Variants in KCNH8 observed in about 807,000 individuals in gnomAD.
The protein encoded by KCNH8 is voltage-gated delayed rectifier potassium channel KCNH8.
KCNH8 carries 70 observed loss-of-function variants against 103.6 expected under a neutral mutation model. That is an observed-to-expected ratio of 0.68 (90% CI 0.56 to 0.82). KCNH8 has a LOEUF of 0.82. Among genes scored for constraint, KCNH8 ranks in the 40% least tolerant of loss-of-function variants. The probability of loss-of-function intolerance (pLI) is 0.00; values close to 1 mark genes in which losing one functional copy is unlikely to be tolerated. For missense variants in KCNH8, 1,217 were observed against 1,329.9 expected (o/e 0.92, Z 1.32); for synonymous variants, 498 against 489.4 (o/e 1.02, Z -0.23).
intron 11 of KCNH8, among the ~76,000 whole-genome samples, chr3:19,468,581 AG>A (rs1188751942): frequency 6.6e-6 from 1 of 152,228 alleles, no homozygotes; most frequent in African/African-American, 2.4e-5. Context: ...GCTGAATAAT[AG>A]GGGAAAAATA....
At chr3:19,222,524 A>AT (rs2063886890) in intron 1 of KCNH8, among the ~76,000 whole-genome samples, 2 of 152,194 alleles carry the variant, frequency 1.3e-5, no homozygotes, top group African/African-American at 2.4e-5. Flanking sequence ...ACAGAGGATA[A>AT]TTTTGTTTGG....
At chr3:19,364,458 A>G (rs1161066162) in intron 5 of KCNH8, among the ~76,000 whole-genome samples, 1 of 152,172 alleles carries the variant, frequency 6.6e-6, no homozygotes, top group African/African-American at 2.4e-5. Flanking sequence ...TGGAACATTT[A>G]TTAAATGGAA....
intron 11 of KCNH8, among the ~76,000 whole-genome samples, chr3:19,473,100 A>G (rs1351114703): frequency 1.3e-5 from 2 of 152,218 alleles, no homozygotes; most frequent in East Asian, 3.8e-4. Context: ...AATTAGTGAA[A>G]GAATCAAACA....
chr3:19,445,389 C>T (rs910752498), intron 8 of KCNH8, among the ~76,000 whole-genome samples: 7 of 151,276 alleles, frequency 4.6e-5, no homozygotes, highest in Non-Finnish European at 7.4e-5. Context: ...TTATTTATCT[C>T]GGGTGGTGGG....
intron 5 of KCNH8, among the ~76,000 whole-genome samples, chr3:19,372,201 G>A (rs1226386447): frequency 6.6e-6 from 1 of 152,062 alleles, no homozygotes; most frequent in Non-Finnish European, 1.5e-5. Context: ...ATTACCTTGG[G>A]CAGTATGGCC....
chr3:19,500,646 T>G (rs541318707), intron 11 of KCNH8, among the ~76,000 whole-genome samples: 1 of 152,258 alleles, frequency 6.6e-6, no homozygotes, highest in East Asian at 1.9e-4. Flanking sequence ...ACCGCTCAAC[T>G]ACATGGAACT....
intron 3 of KCNH8, among the ~76,000 whole-genome samples, chr3:19,300,069 C>T (rs946994738): frequency 4.0e-5 from 6 of 151,590 alleles, no homozygotes; most frequent in South Asian, 2.1e-4. Context: ...GCCAACATGG[C>T]GAAACCCCAT....
chr3:19,163,838 G>A (rs765136253), intron 1 of KCNH8, among the ~76,000 whole-genome samples: 5 of 152,066 alleles, frequency 3.3e-5, no homozygotes, highest in African/African-American at 1.2e-4. Context: ...TTAATGAATA[G>A]TAAATCTATT....
At chr3:19,444,244 C>T (rs1372433119) in intron 8 of KCNH8, among the ~76,000 whole-genome samples, 2 of 152,030 alleles carry the variant, frequency 1.3e-5, no homozygotes, top group Admixed American at 6.6e-5. Context: ...CATGTTGTCA[C>T]TTCATTTGTG....
intron 7 of KCNH8, among the ~76,000 whole-genome samples, chr3:19,428,913 C>T (rs946547139): frequency 6.6e-6 from 1 of 152,136 alleles, no homozygotes; most frequent in African/African-American, 2.4e-5. Context: ...TCTTGTTCTC[C>T]TGTGTGTTGT....
rs1294676963 is a variant in KCNH8 at position 19,534,970 on chromosome 3, G to A, written c.*871G>A. 1.3e-5 allele frequency: 2 copies of A among 152,232 alleles called. No individual in the cohort carries two copies. Among genetic ancestry groups the A allele is most frequent in the East Asian group, 1.9e-4 (1 of 5,202 alleles). The allele number at this position is 152,232 out of a possible 1,614,324, so 9.4% of individuals were successfully genotyped here. ...TGTTAATGAAATAAAAACATGGACT[G>A]AGTGTCAACTACATGAGCTTTGGCA... On this transcript the variant is annotated 3_prime_UTR_variant, in exon 16 of 16. Transcript: ENST00000328405.
At chr3:19,500,405 G>A (rs1173374457) in intron 11 of KCNH8, among the ~76,000 whole-genome samples, 8 of 152,052 alleles carry the variant, frequency 5.3e-5, no homozygotes. Flanking sequence ...AGGATACCCA[G>A]GAATTGAACT....
At chr3:19,512,660 C>A (rs2068802201) in intron 12 of KCNH8, among the ~76,000 whole-genome samples, 1 of 152,060 alleles carries the variant, frequency 6.6e-6, no homozygotes, top group Non-Finnish European at 1.5e-5. Context: ...TGATTAAAAT[C>A]TAGTTGCAAA....
chr3:19,460,223 T>C (rs1034992342), intron 11 of KCNH8, among the ~76,000 whole-genome samples: 1 of 152,106 alleles, frequency 6.6e-6, no homozygotes, highest in Non-Finnish European at 1.5e-5. Flanking sequence ...CCTTTATTCC[T>C]AAAACAGCTT....
intron 11 of KCNH8, among the ~76,000 whole-genome samples, chr3:19,509,546 A>T (rs1336642137): frequency 6.6e-6 from 1 of 152,160 alleles, no homozygotes; most frequent in Non-Finnish European, 1.5e-5. Context: ...TGTTTTTAAG[A>T]TATTCCTCTA....
At chr3:19,494,218 C>T (rs551910738) in intron 11 of KCNH8, among the ~76,000 whole-genome samples, 2 of 152,326 alleles carry the variant, frequency 1.3e-5, no homozygotes, top group East Asian at 1.9e-4. Flanking sequence ...ACATGTACCA[C>T]ATTTACTTTA....
chr3:19,202,148 C>A (rs2063669495), intron 1 of KCNH8, among the ~76,000 whole-genome samples: 1 of 152,088 alleles, frequency 6.6e-6, no homozygotes, highest in African/African-American at 2.4e-5. Flanking sequence ...AAAGGGACTT[C>A]ATGAGGAGGG....
At chr3:19,239,638 CT>C (rs1423058001) in intron 1 of KCNH8, among the ~76,000 whole-genome samples, 3 of 72,018 alleles carry the variant, frequency 4.2e-5, no homozygotes, top group Middle Eastern at 7.1e-3. Flanking sequence ...ATGATGGAAT[CT>C]ATCTATCTAT....
chr3:19,449,007 G>A, intron 8 of KCNH8: 2 of 1,277,312 alleles, frequency 1.6e-6, no homozygotes, highest in South Asian at 1.2e-5. Flanking sequence ...TTCTGCTAAT[G>A]ACTAGTGAGT....
Sources: allele counts gnomAD v4.1 joint callset (sites outside exome capture counted in the v4.1 genomes callset), GRCh38; gene constraint gnomAD v4.1.1; transcripts MANE v1.5; gene names NCBI Gene and HGNC (gene_info 2026-07-23, HGNC 2026-07-21).